Variants in TANC2 observed in about 807,000 individuals in gnomAD.
TANC2 encodes tetratricopeptide repeat, ankyrin repeat and coiled-coil containing 2, also known as protein TANC2.
A neutral mutation model predicts 210.5 loss-of-function variants in TANC2; 26 were observed. That is an observed-to-expected ratio of 0.12 (90% CI 0.09 to 0.17). The LOEUF (loss-of-function observed/expected upper bound fraction) is 0.17, where lower values mean the gene tolerates loss of function less well. TANC2 is among the 10% of genes least tolerant of loss of function. The pLI is 1.00. For missense variants in TANC2, 2,129 were observed against 2,608.9 expected, an observed-to-expected ratio of 0.82 and a Z score of 4.01; for synonymous variants, 931 against 967.1, an observed-to-expected ratio of 0.96 and a Z score of 0.69.
rs534082026 is a variant in TANC2, at chr17:63,250,087, GTTC to G, written c.1033+12013_1033+12015del. 3.3e-4 allele frequency among the ~76,000 whole-genome samples: 50 copies of G among 152,014 alleles called. 2 individuals are homozygous for G. In the South Asian group the frequency reaches 4.6e-3, roughly 14 times the overall value. ...ACCTGATGAAATCTAAAAAAAAGCT[GTTC>G]TTTTTTTCTTTTCCCTGTTCCTTCT... On this transcript the variant is annotated intron_variant, in intron 8 of 27. Transcript: ENST00000689528.
intron 15 of TANC2, 105 bp from the exon 16 acceptor site, chr17:63,388,530 C>A: frequency 8.4e-7 from 1 of 1,194,242 alleles, no homozygotes; most frequent in Non-Finnish European, 1.2e-6. Context: ...GGGTGAGACT[C>A]CGCTCTCATT....
At chr17:63,181,980 A>G (rs770170360) in intron 5 of TANC2, among the ~76,000 whole-genome samples, 55 of 152,262 alleles carry the variant, frequency 3.6e-4, no homozygotes, top group Non-Finnish European at 7.1e-4. Context: ...GAAGTTGAGA[A>G]CTTGTGTTCT....
intron 3 of TANC2, among the ~76,000 whole-genome samples, chr17:63,078,904 C>T (rs1012413704): frequency 2.6e-5 from 4 of 152,142 alleles, no homozygotes; most frequent in Admixed American, 2.0e-4. Context: ...AACCTGATCA[C>T]GTTGATTGAT....
At chr17:63,081,159 T>G (rs2144716742) in intron 3 of TANC2, among the ~76,000 whole-genome samples, 1 of 152,296 alleles carries the variant, frequency 6.6e-6, no homozygotes, top group African/African-American at 2.4e-5. Context: ...AGAAATTTAA[T>G]TTGTTGTAGA....
chr17:63,138,507 G>A (rs946674921), intron 4 of TANC2, among the ~76,000 whole-genome samples: 1 of 152,020 alleles, frequency 6.6e-6, no homozygotes, highest in African/African-American at 2.4e-5. Context: ...AATAGCCCTT[G>A]TTCTGCTTGG....
intron 3 of TANC2, among the ~76,000 whole-genome samples, chr17:63,094,483 A>G (rs2037315913): frequency 6.6e-6 from 1 of 152,132 alleles, no homozygotes; most frequent in Admixed American, 6.6e-5. Context: ...TGAAAAATTC[A>G]CCAATGATGT....
chr17:63,167,679 A>G (rs1004041368), intron 5 of TANC2, among the ~76,000 whole-genome samples: 6 of 152,074 alleles, frequency 3.9e-5, no homozygotes, highest in African/African-American at 1.4e-4. Context: ...TAATAGTTTT[A>G]TGTGAAAACT....
chr17:63,335,068 C>G lies in TANC2; in HGVS notation c.1576-5033C>G, dbSNP rs139231038. ...GGATCTGCCCCCATGACCCAAACAC[C>G]TCCCTCCAGGCTGCATCTCCAACAT... On this transcript the variant is annotated intron_variant, in intron 11 of 27. Transcript: ENST00000689528. 8.8e-4 allele frequency among the ~76,000 whole-genome samples: 134 copies of G among 152,274 alleles called. 1 individual carries two copies. The highest frequency in any genetic ancestry group is 3.2e-3 in the African/African-American group (132 of 41,558).
chr17:63,168,120 C>T (rs975945153), intron 5 of TANC2, among the ~76,000 whole-genome samples: 1 of 152,098 alleles, frequency 6.6e-6, no homozygotes, highest in Non-Finnish European at 1.5e-5. Context: ...GTAATCCCAA[C>T]ACTTTGGGAG....
intron 14 of TANC2, among the ~76,000 whole-genome samples, chr17:63,372,146 A>G (rs1227192107): frequency 1.3e-5 from 2 of 152,194 alleles, no homozygotes; most frequent in Non-Finnish European, 2.9e-5. Context: ...AAGATTTACT[A>G]TCCTCCTGAA....
intron 2 of TANC2, among the ~76,000 whole-genome samples, chr17:63,028,977 A>G (rs963086183): frequency 4.6e-5 from 7 of 152,150 alleles, no homozygotes; most frequent in African/African-American, 1.7e-4. Context: ...TTTTATTTAT[A>G]CAAAAAATGG....
At chr17:63,141,379 T>TTA (rs2039283402) in intron 4 of TANC2, among the ~76,000 whole-genome samples, 2 of 21,840 alleles carry the variant, frequency 9.2e-5, no homozygotes, top group East Asian at 2.0e-3. Flanking sequence ...CCGTTTCTAC[T>TTA]AAAAAAAAAA....
chr17:63,350,829 TC>T (rs1246656756), intron 12 of TANC2, among the ~76,000 whole-genome samples: 1 of 149,340 alleles, frequency 6.7e-6, no homozygotes, highest in African/African-American at 2.5e-5. Flanking sequence ...TTGGGGACAT[TC>T]CCAAAAGAAC....
chr17:63,023,140 C>G (rs2034418116), intron 2 of TANC2, among the ~76,000 whole-genome samples: 1 of 152,230 alleles, frequency 6.6e-6, no homozygotes, highest in Non-Finnish European at 1.5e-5. Context: ...GGAAGTGGGG[C>G]TGCTGCTGCA....
intron 5 of TANC2, among the ~76,000 whole-genome samples, chr17:63,161,947 A>G (rs2040040831): frequency 6.6e-6 from 1 of 152,142 alleles, no homozygotes; most frequent in African/African-American, 2.4e-5. Context: ...GACACTATTA[A>G]AATTGCAACC....
At chr17:62,984,452 C>G (rs868125198) in intron 1 of TANC2, among the ~76,000 whole-genome samples, 4 of 151,744 alleles carry the variant, frequency 2.6e-5, no homozygotes, top group African/African-American at 9.6e-5. Context: ...TTTTGTCTCT[C>G]AACTTCATTT....
At chr17:63,389,315 G>A (rs1244021783) in exon 17 of TANC2, 2 of 1,610,462 alleles carry the variant, frequency 1.2e-6, no homozygotes, top group Admixed American at 1.7e-5. Flanking sequence ...TAGGTCAGCC[G>A]ACTGCTGATT....
intron 19 of TANC2, 54 bp downstream of exon 19, chr17:63,398,968 G>A (rs753419528): frequency 1.7e-5 from 22 of 1,299,734 alleles, no homozygotes; most frequent in South Asian, 1.4e-4. Flanking sequence ...GTGGACTCTC[G>A]AATCTCACCC....
chr17:63,314,014 G>A (rs1183717567), intron 9 of TANC2, among the ~76,000 whole-genome samples: 1 of 152,172 alleles, frequency 6.6e-6, no homozygotes, highest in Non-Finnish European at 1.5e-5. Flanking sequence ...ACAATTAAAA[G>A]GTTATCCCGT....
Sources: allele counts gnomAD v4.1 joint callset (sites outside exome capture counted in the v4.1 genomes callset), GRCh38; gene constraint gnomAD v4.1.1; transcripts MANE v1.5; gene names NCBI Gene and HGNC (gene_info 2026-07-23, HGNC 2026-07-21).